The following GNA14 variants were observed in gnomAD, a reference collection of about 807,000 sequenced individuals.
The protein encoded by GNA14 is G protein subunit alpha 14.
Under a neutral mutation model 42.0 loss-of-function variants are expected in GNA14, and 50 were observed. The ratio of observed to expected loss-of-function variants is 1.19; its 90% CI spans 0.95 to 1.51. The LOEUF (loss-of-function observed/expected upper bound fraction) is 1.51. GNA14 is among the 40% of genes most tolerant of loss of function. GNA14 has a pLI of 0.00. For synonymous variants in GNA14, 173 were observed against 163.1 expected, an observed-to-expected ratio of 1.06 and a Z score of -0.46; for missense variants, 473 against 446.2, an observed-to-expected ratio of 1.06 and a Z score of -0.54.
At chr9:77,528,274 G>A (rs1176689882) in intron 2 of GNA14, among the ~76,000 whole-genome samples, 1 of 151,978 alleles carries the variant, frequency 6.6e-6, no homozygotes, top group East Asian at 1.9e-4. Flanking sequence ...AGACCCATCT[G>A]ACACAGAATT....
At chr9:77,620,914 T>A (rs1444559946) in intron 1 of GNA14, among the ~76,000 whole-genome samples, 4 of 151,408 alleles carry the variant, frequency 2.6e-5, no homozygotes, top group Non-Finnish European at 4.4e-5. Context: ...TTAAATAAAA[T>A]TTTTTAAAAT....
In GNA14 at chr9:77,466,395, C is replaced by A. The variant is rs138350859; in HGVS notation, c.310-31873G>T. On this transcript the variant is annotated intron_variant, in intron 2 of 6. Coordinates refer to ENST00000341700, the MANE Select transcript of GNA14 (RefSeq NM_004297.4). ...CTGTTAGCTCAAATCTACTACGGAG[C>A]CTTTCTAGCAAGTTTTTAAGTTCAG... is the stretch of plus-strand genomic sequence containing the variant. 6.4e-3 allele frequency among the ~76,000 whole-genome samples: 973 copies of A among 152,242 alleles called. 5 individuals are homozygous for A. Among genetic ancestry groups the A allele is most frequent in the Non-Finnish European group, 8.9e-3 (607 of 68,012 alleles).
chr9:77,599,254 C>A (rs1587843338), intron 1 of GNA14, among the ~76,000 whole-genome samples: 2 of 152,214 alleles, frequency 1.3e-5, no homozygotes, highest in East Asian at 3.9e-4. Flanking sequence ...ATAGCTGGAA[C>A]AAGCACTGCT....
At chr9:77,590,910 T>C (rs1444591057) in intron 1 of GNA14, among the ~76,000 whole-genome samples, 1 of 152,168 alleles carries the variant, frequency 6.6e-6, no homozygotes, top group Non-Finnish European at 1.5e-5. Context: ...ATTTTTATTT[T>C]AAAATTGCTA....
intron 2 of GNA14, among the ~76,000 whole-genome samples, chr9:77,514,262 G>A (rs549535837): frequency 5.9e-5 from 9 of 152,238 alleles, no homozygotes; most frequent in African/African-American, 1.9e-4. Context: ...TAGTCAAGGA[G>A]GCAAAATTCT....
At chr9:77,586,103 A>G (rs1823297253) in intron 1 of GNA14, among the ~76,000 whole-genome samples, 1 of 152,128 alleles carries the variant, frequency 6.6e-6, no homozygotes, top group Non-Finnish European at 1.5e-5. Flanking sequence ...ATCAGGACAC[A>G]AGAATTGAAA....
intron 2 of GNA14, among the ~76,000 whole-genome samples, chr9:77,497,145 C>G: frequency 6.6e-6 from 1 of 152,188 alleles, no homozygotes; most frequent in East Asian, 1.9e-4. Context: ...TAGAAGAATT[C>G]TCCACCCAGG....
At chr9:77,526,062 C>T (rs887809601) in intron 2 of GNA14, among the ~76,000 whole-genome samples, 7 of 149,954 alleles carry the variant, frequency 4.7e-5, no homozygotes, top group Non-Finnish European at 8.9e-5. Context: ...CCATCACACC[C>T]GGCTAATTTT....
chr9:77,507,961 A>G (rs992743136), intron 2 of GNA14, among the ~76,000 whole-genome samples: 1 of 151,720 alleles, frequency 6.6e-6, no homozygotes, highest in Non-Finnish European at 1.5e-5. Context: ...CAGGTGATCC[A>G]CCCGCCTCGG....
At chr9:77,463,998 T>C (rs1298628311) in intron 2 of GNA14, among the ~76,000 whole-genome samples, 1 of 152,200 alleles carries the variant, frequency 6.6e-6, no homozygotes, top group Admixed American at 6.5e-5. Context: ...ACTGGTTTGT[T>C]GTTGTTGTTT....
intron 1 of GNA14, among the ~76,000 whole-genome samples, chr9:77,622,973 G>A (rs983293221): frequency 2.3e-4 from 34 of 150,640 alleles, no homozygotes; most frequent in African/African-American, 8.3e-4. Flanking sequence ...CCAGCACTTT[G>A]GGAGGCCAAG....
Position 77,510,534 on chromosome 9 carries a change from T to G in GNA14, c.309+18535A>C, listed in dbSNP as rs552987601. On this transcript the variant is annotated intron_variant, in intron 2 of 6. Coordinates refer to ENST00000341700, the MANE Select transcript of GNA14 (RefSeq NM_004297.4). The stretch of plus-strand genomic sequence containing the variant: ...ATTTTTTAGTAGAGATGAGTTGCAG[T>G]GAGGACTCTATTTCAATATTAAGGA... Among the ~76,000 whole-genome samples the G allele has an allele frequency of 8.3e-4, 126 of 152,220 alleles. 1 individual carries two copies. The highest frequency in any genetic ancestry group is 6.8e-3 in the Middle Eastern group (2 of 294).
chr9:77,518,747 A>T (rs1306064492), intron 2 of GNA14, among the ~76,000 whole-genome samples: 5 of 152,200 alleles, frequency 3.3e-5, no homozygotes, highest in Non-Finnish European at 4.4e-5. Flanking sequence ...TGAATTGTGT[A>T]CCCACACACA....
intron 1 of GNA14, among the ~76,000 whole-genome samples, chr9:77,580,906 A>G (rs1823213475): frequency 6.6e-6 from 1 of 152,090 alleles, no homozygotes; most frequent in Non-Finnish European, 1.5e-5. Flanking sequence ...TCTACTGACG[A>G]GTTGCTCTAG....
At chr9:77,506,051 G>A (rs1157876719) in intron 2 of GNA14, among the ~76,000 whole-genome samples, 3 of 151,358 alleles carry the variant, frequency 2.0e-5, no homozygotes, top group Non-Finnish European at 4.4e-5. Flanking sequence ...ATCACTTGAG[G>A]CCAGGAGTTC....
intron 2 of GNA14, among the ~76,000 whole-genome samples, chr9:77,483,193 T>C (rs1044533086): frequency 1.1e-3 from 164 of 152,296 alleles, no homozygotes; most frequent in African/African-American, 3.8e-3. Flanking sequence ...TTTTATCTAC[T>C]TTTGGTCTTT....
Position 77,435,134 on chromosome 9 carries a change from C to T in GNA14, c.310-612G>A, listed in dbSNP as rs1171451374. Among the ~76,000 whole-genome samples the T allele has an allele frequency of 6.6e-5, 10 of 151,374 alleles. 2 individuals are homozygous for T. In the South Asian group the frequency reaches 1.9e-3, roughly 29 times the overall value. On this transcript the variant is annotated intron_variant, in intron 2 of 6. Transcript: ENST00000341700. ...AGCACTTTGGGAGGCCGAGGCGGGC[C>T]GATCACAAGGTCAAAAGTTCAAGAC...
chr9:77,526,235 T>C (rs1837436009), intron 2 of GNA14, among the ~76,000 whole-genome samples: 1 of 151,946 alleles, frequency 6.6e-6, no homozygotes. Flanking sequence ...TTTGAGTTGA[T>C]ATTTGGATTA....
intron 1 of GNA14, among the ~76,000 whole-genome samples, chr9:77,536,474 C>T (rs554391890): frequency 6.6e-6 from 1 of 152,154 alleles, no homozygotes; most frequent in South Asian, 2.1e-4. Context: ...CCTCAGCCTC[C>T]CAAGCAGCTG....
Sources: allele counts gnomAD v4.1 joint callset (sites outside exome capture counted in the v4.1 genomes callset), GRCh38; gene constraint gnomAD v4.1.1; transcripts MANE v1.5; gene names NCBI Gene and HGNC (gene_info 2026-07-23, HGNC 2026-07-21).